Variants in C2CD3 observed in about 807,000 individuals in gnomAD.
C2CD3 encodes the protein C2 domain-containing protein 3.
A neutral mutation model predicts 234.0 loss-of-function variants in C2CD3; 148 were observed. The observed-to-expected ratio is 0.63, with a 90% CI of 0.55 to 0.72. C2CD3 has a LOEUF of 0.72. Ranked by LOEUF, C2CD3 falls within the 30% of genes least tolerant of loss-of-function variation. C2CD3 has a pLI of 0.00. For missense variants in C2CD3, 2,577 were observed against 2,811.5 expected (o/e 0.92, Z 1.89); for synonymous variants, 1,000 against 1,035.4 (o/e 0.97, Z 0.66).
intron 24 of C2CD3, among the ~76,000 whole-genome samples, chr11:74,061,603 T>A (rs1954252652): frequency 6.6e-6 from 1 of 152,182 alleles, no homozygotes. Flanking sequence ...AGGCCTGCCT[T>A]ACAAGAGCTC....
chr11:74,058,898 G>A (rs910622347), intron 24 of C2CD3, among the ~76,000 whole-genome samples: 1 of 152,064 alleles, frequency 6.6e-6, no homozygotes, highest in Admixed American at 6.6e-5. Flanking sequence ...TCAAGTGCTC[G>A]ATAGCCACAT....
chr11:74,117,084 A>ACG (rs1957012107), intron 9 of C2CD3, among the ~76,000 whole-genome samples: 4 of 73,168 alleles, frequency 5.5e-5, no homozygotes, highest in Non-Finnish European at 1.0e-4. Flanking sequence ...GAATATATAT[A>ACG]TGAATATATA....
intron 2 of C2CD3, among the ~76,000 whole-genome samples, chr11:74,161,854 C>T (rs368580725): frequency 6.9e-6 from 1 of 144,112 alleles, no homozygotes; most frequent in East Asian, 2.0e-4. Context: ...GGGTCTCTGT[C>T]GCCCAGGCTG....
chr11:74,019,234 G>A (rs190470887), intron 32 of C2CD3, among the ~76,000 whole-genome samples: 109 of 152,312 alleles, frequency 7.2e-4, no homozygotes, highest in Non-Finnish European at 1.0e-3. Flanking sequence ...AGTGGCTCAG[G>A]CAACCTGAGA....
chr11:74,090,847 T>A lies in C2CD3; in HGVS notation c.3607A>T (p.Ile1203Phe), dbSNP rs993514853. Residue 1203 changes from isoleucine to phenylalanine, a missense_variant, in exon 20 of 33, where the codon ATT (isoleucine) becomes TTT (phenylalanine). Coordinates refer to ENST00000334126, the MANE Select transcript of C2CD3 (RefSeq NM_001286577.2). ...GCTTGCAGACCACAGGCTCTGATAA[T>A]CTGGACTGAGATGGAAACAGTTCGG... ...AARTVSISVQ[I>F]IRACGLQAAA... 2 of 1,614,120 alleles carry A rather than the reference T, an allele frequency of 1.2e-6. No homozygotes were observed. The highest frequency in any genetic ancestry group is 3.3e-5 in the Admixed American group (2 of 60,024).
At chr11:74,026,157 A>G (rs1396643222) in intron 32 of C2CD3, among the ~76,000 whole-genome samples, 1 of 152,174 alleles carries the variant, frequency 6.6e-6, no homozygotes, top group Non-Finnish European at 1.5e-5. Flanking sequence ...AGAAGAAAAA[A>G]ATTAGCTGGT....
intron 8 of C2CD3, among the ~76,000 whole-genome samples, chr11:74,121,898 A>G (rs1012415790): frequency 3.9e-5 from 6 of 152,156 alleles, no homozygotes; most frequent in Non-Finnish European, 7.4e-5. Flanking sequence ...CTCCTGTCCA[A>G]TTCCACTGCA....
rs377068798 is a variant in C2CD3 at position 74,049,581 on chromosome 11, C to G, written c.5156-39G>C. The G allele has an allele frequency of 2.4e-5, 37 of 1,519,936 alleles. No individual in the cohort carries two copies. The African/African-American group carries it at 3.3e-4, about 13-fold the overall frequency. The allele number at this position is 1,519,936 out of a possible 1,614,324, so 94.2% of individuals were successfully genotyped here. On this transcript the variant is annotated intron_variant, in intron 26 of 32. Transcript: ENST00000334126. Reference sequence around the variant, plus strand: ...AGAAGAGCTGGGCAATGTGGCTAGGCATGTCCTGCCACTGAGATTAGAGGG... The same window carrying G: ...AGAAGAGCTGGGCAATGTGGCTAGGGATGTCCTGCCACTGAGATTAGAGGG...
At chr11:74,135,495 C>A (rs981407425) in intron 5 of C2CD3, among the ~76,000 whole-genome samples, 2 of 152,146 alleles carry the variant, frequency 1.3e-5, no homozygotes, top group Non-Finnish European at 2.9e-5. Context: ...AGAATCTAAT[C>A]ATATTAACCT....
intron 24 of C2CD3, among the ~76,000 whole-genome samples, chr11:74,069,383 G>A (rs912342801): frequency 5.9e-5 from 9 of 152,296 alleles, no homozygotes; most frequent in Admixed American, 5.9e-4. Context: ...CCCCCCACAG[G>A]GTTGGGACAC....
intron 28 of C2CD3, among the ~76,000 whole-genome samples, chr11:74,045,796 C>A (rs901300808): frequency 2.6e-5 from 4 of 152,096 alleles, no homozygotes; most frequent in Non-Finnish European, 5.9e-5. Context: ...TGGTCTCGAA[C>A]TCCTGAGCTC....
chr11:74,158,446 G>C (rs1316022020), intron 3 of C2CD3, among the ~76,000 whole-genome samples: 1 of 152,102 alleles, frequency 6.6e-6, no homozygotes, highest in Non-Finnish European at 1.5e-5. Flanking sequence ...AACAGGGCTG[G>C]GCGTGGTGGC....
intron 4 of C2CD3, 110 bp from the exon 5 acceptor site, chr11:74,139,077 C>T (rs1957962075): frequency 1.2e-6 from 1 of 839,834 alleles, no homozygotes; most frequent in African/African-American, 1.7e-5. Context: ...TAGTTTGGAC[C>T]TCAAAAAGCG....
chr11:74,090,842 G>C lies in C2CD3; in HGVS notation c.3612C>G (p.Ile1204Met). 1 of 1,614,112 alleles carries C rather than the reference G, an allele frequency of 6.2e-7. No individual in the cohort carries two copies. Among genetic ancestry groups the C allele is most frequent in the South Asian group, 1.1e-5 (1 of 91,080 alleles). ...ARTVSISVQI[I>M]RACGLQAAAK... is the part of the protein sequence containing the mutation. The stretch of plus-strand genomic sequence containing the variant: ...CTGCTGCTTGCAGACCACAGGCTCT[G>C]ATAATCTGGACTGAGATGGAAACAG... The change falls in exon 20 of 33, where the codon ATC becomes ATG. Residue 1204 changes from isoleucine to methionine, a missense_variant. By Grantham distance (10) the Ile-to-Met change is conservative. Coordinates refer to ENST00000334126, the MANE Select transcript of C2CD3 (RefSeq NM_001286577.2).
At chr11:74,048,120 A>C in intron 28 of C2CD3, 85 bp downstream of exon 28, 5 of 1,412,690 alleles carry the variant, frequency 3.5e-6, no homozygotes, top group Non-Finnish European at 4.8e-6. Context: ...TTTTCCTCTA[A>C]TAAAGGAAAG....
Position 74,027,254 on chromosome 11 carries a change from G to A in C2CD3, c.6921+1033C>T, listed in dbSNP as rs183364993. ...CCCAAGTAGCAGGGACTATAGGCAC[G>A]TGCCACCACGCCTGCCTAATTTTTG... On this transcript the variant is annotated intron_variant, in intron 32 of 32. Coordinates refer to ENST00000334126, the MANE Select transcript of C2CD3 (RefSeq NM_001286577.2). Among the ~76,000 whole-genome samples the A allele has an allele frequency of 1.4e-4, 22 of 152,186 alleles. No individual in the cohort carries two copies. In the East Asian group the frequency reaches 3.1e-3, roughly 21 times the overall value.
intron 8 of C2CD3, among the ~76,000 whole-genome samples, chr11:74,119,584 C>T (rs1376864027): frequency 6.7e-6 from 1 of 148,588 alleles, no homozygotes; most frequent in Non-Finnish European, 1.5e-5. Context: ...GATAGGGGGA[C>T]AAATTAATTT....
At position 74,123,126 on chromosome 11, in the gene C2CD3, T is replaced by A. The variant is rs751673396; in HGVS notation, c.1227A>T (p.Leu409Phe). The A allele has an allele frequency of 3.7e-6, 6 of 1,612,556 alleles. No individual in the cohort carries two copies. The South Asian group carries it at 6.6e-5, about 18-fold the overall frequency. Residue 409 changes from leucine to phenylalanine, a missense_variant, in exon 8 of 33, where the codon TTA becomes TTT. Transcript: ENST00000334126. ...GCCCATCCCAGAAATTGCCTTGGGATAATTCAGCACTGCAGAGATAAGAAA... is the reference window on the plus strand; with the variant it reads ...GCCCATCCCAGAAATTGCCTTGGGAAAATTCAGCACTGCAGAGATAAGAAA... ...AIQLLLGSAELSQGNFWDGLG... is the reference protein window; with the variant it reads ...AIQLLLGSAEFSQGNFWDGLG...
chr11:74,057,372 T>G, intron 25 of C2CD3, 34 bp downstream of exon 25: 2 of 1,612,748 alleles, frequency 1.2e-6, no homozygotes, highest in Non-Finnish European at 1.7e-6. Context: ...AAAAGCAGAT[T>G]CTGGAAGGCT....
Sources: gnomAD v4.1 joint callset for allele counts (sites outside exome capture counted in the v4.1 genomes callset) on GRCh38, gnomAD v4.1.1 for gene constraint, MANE v1.5 for transcripts, NCBI Gene and HGNC (gene_info 2026-07-23, HGNC 2026-07-21) for gene names.